Variants in AKNA observed in about 807,000 individuals in gnomAD.
AKNA encodes the protein microtubule organization protein AKNA.
In AKNA, 67 loss-of-function variants were observed where a neutral mutation model predicts 138.8. The ratio of observed to expected loss-of-function variants is 0.48; its 90% CI spans 0.40 to 0.59. AKNA has a LOEUF of 0.59. Among genes scored for constraint, AKNA ranks in the 20% least tolerant of loss-of-function variants. The pLI is 0.00. For missense variants in AKNA, 1,813 were observed against 1,880.4 expected, an observed-to-expected ratio of 0.96 and a Z score of 0.66; for synonymous variants, 737 against 754.4, an observed-to-expected ratio of 0.98 and a Z score of 0.38.
At chr9:114,338,956 T>TGTATGAACG (rs1432885508) in intron 21 of AKNA, among the ~76,000 whole-genome samples, 1 of 152,170 alleles carries the variant, frequency 6.6e-6, no homozygotes, top group Non-Finnish European at 1.5e-5. Flanking sequence ...TAATCTGAAC[T>TGTATGAACG]GTATGAACGG....
At chr9:114,390,588 G>T (rs1416678567), upstream of AKNA, among the ~76,000 whole-genome samples, 1 of 152,202 alleles carries the variant, frequency 6.6e-6, no homozygotes, top group Non-Finnish European at 1.5e-5. Context: ...TCCCCACACT[G>T]CACCGATGTG....
chr9:114,367,438 A>G (rs1588994876), intron 6 of AKNA, 105 bp downstream of exon 6: 1 of 1,368,680 alleles, frequency 7.3e-7, no homozygotes, highest in Non-Finnish European at 9.9e-7. Flanking sequence ...GAGGCAGGGG[A>G]ATGACAAGTG....
chr9:114,391,893 C>CA (rs1416990330), upstream of AKNA, among the ~76,000 whole-genome samples: 2 of 116,146 alleles, frequency 1.7e-5, no homozygotes, highest in African/African-American at 3.2e-5. Flanking sequence ...ACAAAAACAA[C>CA]AAAAAAAACC....
intron 6 of AKNA, among the ~76,000 whole-genome samples, 192 bp downstream of exon 6, chr9:114,367,347 CAAGG>C (rs1564642230): frequency 6.6e-6 from 1 of 152,000 alleles, no homozygotes; most frequent in African/African-American, 2.4e-5. Flanking sequence ...GCACTGGTGA[CAAGG>C]AGGAGGCTGG....
At chr9:114,339,389 G>A (rs866077646) in intron 21 of AKNA, among the ~76,000 whole-genome samples, 5 of 152,190 alleles carry the variant, frequency 3.3e-5, no homozygotes, top group African/African-American at 7.2e-5. Flanking sequence ...TGTCACCAGC[G>A]CAAATTCTAG....
chr9:114,363,721 G>A (rs895400086), intron 7 of AKNA, among the ~76,000 whole-genome samples: 2 of 152,138 alleles, frequency 1.3e-5, no homozygotes, highest in Non-Finnish European at 2.9e-5. Context: ...TAGTGGGAGG[G>A]ACCTATGAGA....
upstream of AKNA, among the ~76,000 whole-genome samples, chr9:114,391,381 T>C (rs1339732944): frequency 2.0e-5 from 3 of 152,252 alleles, no homozygotes; most frequent in Non-Finnish European, 2.9e-5. Flanking sequence ...ACAGAGCCTT[T>C]TGGTTTCCCA....
upstream of AKNA, among the ~76,000 whole-genome samples, chr9:114,398,050 G>A (rs112829734): frequency 2.6e-5 from 4 of 151,824 alleles, no homozygotes; most frequent in African/African-American, 9.7e-5. The surrounding 1 kb of genome is among the most constrained non-coding windows in gnomAD (Gnocchi z 4.2). Flanking sequence ...CCGAGGCCCC[G>A]CCAAGGCCCA....
Position 114,371,008 on chromosome 9 carries a change from G to A in AKNA, c.1417-2413C>T, listed in dbSNP as rs1206322461. Among the ~76,000 whole-genome samples the A allele has an allele frequency of 3.3e-5, 5 of 152,302 alleles. No homozygotes were observed. In the East Asian group the frequency reaches 5.8e-4, roughly 18 times the overall value. On this transcript the variant is annotated intron_variant, in intron 4 of 21. Transcript: ENST00000374088. ...AGATCCCTCTTCAGCTGAGATGGAG[G>A]AACAGGGGCTGGGGGGGAGGTGGCA...
In AKNA at chr9:114,360,067, G is replaced by A; in HGVS notation, c.2125-5C>T. On this transcript the variant is annotated splice_polypyrimidine_tract_variant and splice_region_variant and intron_variant, in intron 9 of 21. Transcript: ENST00000374088. ...GGCGGCAGTGGTGGTAGCAGGCTGG[G>A]GTCAGAAAGATGGACAGACAGAGAT... is the stretch of plus-strand genomic sequence containing the variant. The A allele has an allele frequency of 1.9e-6, 3 of 1,614,078 alleles. No individual in the cohort carries two copies. Among genetic ancestry groups the A allele is most frequent in the Non-Finnish European group, 2.5e-6 (3 of 1,180,030 alleles).
At chr9:114,358,225 T>C in intron 11 of AKNA, 58 bp from the exon 12 acceptor site, 1 of 1,605,982 alleles carries the variant, frequency 6.2e-7, no homozygotes. Flanking sequence ...GACGCAGGGG[T>C]TGGCCTGTCC....
intron 2 of AKNA, 115 bp downstream of exon 2, chr9:114,380,945 T>A: frequency 1.6e-6 from 2 of 1,233,734 alleles, no homozygotes; most frequent in Non-Finnish European, 2.1e-6. Context: ...ATCGTGCCAC[T>A]GCACTCCAGC....
At chr9:114,384,776 G>C (rs546135684) in intron 1 of AKNA, among the ~76,000 whole-genome samples, 1 of 152,292 alleles carries the variant, frequency 6.6e-6, no homozygotes, top group South Asian at 2.1e-4. Context: ...TATTGATAAA[G>C]TTTTGGGGGA....
chr9:114,342,043 G>C lies in AKNA; in HGVS notation c.3840C>G (p.Pro1280=). The C allele has an allele frequency of 6.2e-7, 1 of 1,614,048 alleles. No homozygotes were observed. The highest frequency in any genetic ancestry group is 8.5e-7 in the Non-Finnish European group (1 of 1,179,938). The change falls in exon 20 of 22, where the codon CCC becomes CCG. Residue 1280 remains proline, a synonymous_variant. Transcript: ENST00000374088. ...CTGAGCCTGGACCATCTGCCTCTGG[G>C]GGAGACCCAACTTGACCACACAGGG... The part of the protein sequence containing the change: ...QCPLCGQVGS[P]PEADGPGSAT...
chr9:114,337,987 CA>C (rs1830109051), intron 21 of AKNA, among the ~76,000 whole-genome samples: 1 of 152,154 alleles, frequency 6.6e-6, no homozygotes, highest in African/African-American at 2.4e-5. Flanking sequence ...TGGCATCCAT[CA>C]GGGCCACTAA....
chr9:114,377,072 G>A lies in AKNA; in HGVS notation c.735C>T (p.Ser245=), dbSNP rs1261683531. The change falls in exon 3 of 22, where the codon AGC becomes AGT. Residue 245 remains serine (S), a synonymous_variant. Coordinates refer to ENST00000374088, the MANE Select transcript of AKNA (RefSeq NM_001317950.2). The part of the protein sequence containing the change: ...LPEGPSHHLL[S]PDGRTGGSVA... ...CACTGCCTCCAGTTCTGCCATCTGG[G>A]CTTAGGAGGTGGTGGCTGGGGCCCT... The A allele has an allele frequency of 6.2e-7, 1 of 1,614,156 alleles. No homozygotes were observed. The highest frequency in any genetic ancestry group is 8.5e-7 in the Non-Finnish European group (1 of 1,180,020).
rs769410183 is a variant in AKNA at position 114,350,888 on chromosome 9, G to A, written c.3192C>T (p.Pro1064=). Residue 1064 remains proline (P), a synonymous_variant, in exon 15 of 22, where the codon CCC becomes CCT. Coordinates refer to ENST00000374088, the MANE Select transcript of AKNA (RefSeq NM_001317950.2). ...GCCCTGCCCTGGTGAGCAGGAAGCTGGGGATGGTCTCTGTTGGTCCACAGG... is the reference window on the plus strand; with the variant it reads ...GCCCTGCCCTGGTGAGCAGGAAGCTAGGGATGGTCTCTGTTGGTCCACAGG... ...PLPCGPTETI[P]SFLLTRAGRD... 26 of 1,590,772 alleles carry A rather than the reference G, an allele frequency of 1.6e-5. No homozygotes were observed. The highest frequency in any genetic ancestry group is 1.9e-5 in the Non-Finnish European group (22 of 1,168,488).
At chr9:114,333,006 G>C, downstream of AKNA, 1 of 1,601,260 alleles carries the variant, frequency 6.2e-7, no homozygotes, top group Non-Finnish European at 8.5e-7. Context: ...CTCCCCGGAA[G>C]ACCTCCCACC....
chr9:114,389,341 G>GA (rs1410528844), upstream of AKNA, among the ~76,000 whole-genome samples: 40 of 151,606 alleles, frequency 2.6e-4, no homozygotes, highest in South Asian at 8.3e-3. Flanking sequence ...AAAGAAAGAG[G>GA]AAAAAAAACA....
Sources: gnomAD v4.1 joint callset for allele counts (sites outside exome capture counted in the v4.1 genomes callset) on GRCh38, gnomAD v4.1.1 for gene constraint, Gnocchi (gnomAD v3.1) non-coding constraint, MANE v1.5 for transcripts, NCBI Gene and HGNC (gene_info 2026-07-23, HGNC 2026-07-21) for gene names.